The following RGS7 variants were observed in gnomAD, a reference collection of about 807,000 sequenced individuals.
The protein encoded by RGS7 is regulator of G-protein signaling 7.
In RGS7, 27 loss-of-function variants were observed where a neutral mutation model predicts 81.1. The ratio of observed to expected loss-of-function variants is 0.33; its 90% CI spans 0.25 to 0.46. The LOEUF (loss-of-function observed/expected upper bound fraction) is 0.46. Ranked by LOEUF, RGS7 falls within the 20% of genes least tolerant of loss-of-function variation. The pLI, the probability that RGS7 is intolerant of heterozygous loss-of-function variation, is 1.00. For synonymous variants in RGS7, 208 were observed against 207.7 expected (o/e 1.00, Z -0.01); for missense variants, 396 against 607.4 (o/e 0.65, Z 3.66).
intron 3 of RGS7, among the ~76,000 whole-genome samples, chr1:240,986,571 A>AT (rs1172119682): frequency 0.045 from 195 of 4,348 alleles, 92 homozygotes; most frequent in African/African-American, 0.17. Context: ...CACCACTATT[A>AT]TTTTTTTTTT....
rs554883953 is a variant in RGS7 at position 241,141,498 on chromosome 1, A to T, written c.79-42736T>A. On this transcript the variant is annotated intron_variant, in intron 2 of 18. Transcript: ENST00000440928. ...GATTCATGGTTCTGCATTGCTTGGG[A>T]GGCCTCAGGAAACTTACAGTCATGG... 2.6e-5 allele frequency among the ~76,000 whole-genome samples: 4 copies of T among 152,330 alleles called. No individual in the cohort carries two copies. The South Asian group carries it at 8.3e-4, about 32-fold the overall frequency.
At chr1:240,913,990 C>T (rs551861584) in intron 6 of RGS7, among the ~76,000 whole-genome samples, 46 of 151,468 alleles carry the variant, frequency 3.0e-4, no homozygotes, top group Non-Finnish European at 5.7e-4. Context: ...TATACATGTG[C>T]CATGCTGGTG....
intron 2 of RGS7, among the ~76,000 whole-genome samples, chr1:241,259,984 G>A (rs951166383): frequency 2.6e-5 from 4 of 151,970 alleles, no homozygotes; most frequent in African/African-American, 7.3e-5. Flanking sequence ...TTGTTGAATC[G>A]TCAAGACCAG....
At chr1:241,047,732 CCTTTTT>C (rs2061009619) in intron 3 of RGS7, among the ~76,000 whole-genome samples, 1 of 137,716 alleles carries the variant, frequency 7.3e-6, no homozygotes, top group South Asian at 2.3e-4. Flanking sequence ...TGTTTACAAT[CCTTTTT>C]TTTTTTTTTT....
At chr1:240,930,222 CTTT>C (rs10676730) in intron 6 of RGS7, among the ~76,000 whole-genome samples, 9 of 113,874 alleles carry the variant, frequency 7.9e-5, no homozygotes, top group African/African-American at 2.8e-4. Context: ...TCTTTTTTAG[CTTT>C]TTTTTTTTTT....
At chr1:241,055,862 A>G (rs1445887332) in intron 3 of RGS7, among the ~76,000 whole-genome samples, 2 of 152,210 alleles carry the variant, frequency 1.3e-5, no homozygotes, top group Non-Finnish European at 2.9e-5. Flanking sequence ...TCCTTTGCAT[A>G]CAAAAAGACA....
At chr1:240,801,396 A>G (rs1185913795) in intron 17 of RGS7, 59 bp downstream of exon 17, 4 of 1,172,686 alleles carry the variant, frequency 3.4e-6, no homozygotes, top group Non-Finnish European at 5.0e-6. Context: ...AGAAATAGGG[A>G]AATTGGAAAA....
rs891207108 is a variant in RGS7, at chr1:241,148,144, G to A, written c.79-49382C>T. 9.0e-5 allele frequency among the ~76,000 whole-genome samples: 13 copies of A among 144,402 alleles called. No individual in the cohort carries two copies. The East Asian group carries it at 1.0e-3, about 12-fold the overall frequency. The allele number at this position is 144,402 out of a possible 152,430, so 94.7% of individuals were successfully genotyped here. ...TGGCTCATTGCAGTATCTGCCTCCC[G>A]GATACAAGTCATTCTCCTGCCTCAG... is the stretch of plus-strand genomic sequence containing the variant. On this transcript the variant is annotated intron_variant, in intron 2 of 18. Transcript: ENST00000440928.
chr1:241,112,521 G>T (rs563980291), intron 2 of RGS7, among the ~76,000 whole-genome samples: 1 of 152,342 alleles, frequency 6.6e-6, no homozygotes, highest in East Asian at 1.9e-4. Context: ...TGCCAATGAA[G>T]AAGATTTATT....
intron 5 of RGS7, among the ~76,000 whole-genome samples, chr1:240,935,574 G>T (rs898207487): frequency 3.3e-5 from 5 of 152,170 alleles, no homozygotes; most frequent in African/African-American, 1.2e-4. Context: ...ACGATTATTT[G>T]CCTTGGAAGA....
chr1:240,928,604 AT>A (rs769378768), intron 6 of RGS7, among the ~76,000 whole-genome samples: 4,695 of 134,912 alleles, frequency 0.035, 241 homozygotes, highest in African/African-American at 0.12. Flanking sequence ...TTTCTTTATA[AT>A]TTTTTTTTTT....
At chr1:240,933,233 G>T (rs571489677) in intron 5 of RGS7, among the ~76,000 whole-genome samples, 6 of 151,310 alleles carry the variant, frequency 4.0e-5, no homozygotes, top group African/African-American at 1.5e-4. Context: ...CCTCTGGGTA[G>T]TTTCTATATT....
At chr1:241,155,256 A>C (rs2069037008) in intron 2 of RGS7, among the ~76,000 whole-genome samples, 1 of 152,088 alleles carries the variant, frequency 6.6e-6, no homozygotes, top group South Asian at 2.1e-4. Flanking sequence ...GCATACCCCG[A>C]GGCCCAGCTA....
intron 6 of RGS7, among the ~76,000 whole-genome samples, chr1:240,927,444 T>C (rs528619730): frequency 3.1e-4 from 47 of 152,328 alleles, no homozygotes; most frequent in African/African-American, 1.1e-3. Flanking sequence ...GCCTAAGTAG[T>C]TACTGTGCTT....
At chr1:241,077,549 T>A (rs2062870502) in intron 3 of RGS7, among the ~76,000 whole-genome samples, 1 of 152,164 alleles carries the variant, frequency 6.6e-6, no homozygotes, top group East Asian at 1.9e-4. Flanking sequence ...AAAGGGATCG[T>A]GGTCCAGTGT....
chr1:241,095,516 A>G (rs1261184466), intron 3 of RGS7, among the ~76,000 whole-genome samples: 6 of 152,088 alleles, frequency 3.9e-5, no homozygotes, highest in Non-Finnish European at 8.8e-5. Flanking sequence ...TCAACCAGGC[A>G]TGGTGGCAGG....
At chr1:241,257,618 C>G (rs1462748523) in intron 2 of RGS7, among the ~76,000 whole-genome samples, 1 of 152,064 alleles carries the variant, frequency 6.6e-6, no homozygotes, top group Non-Finnish European at 1.5e-5. Flanking sequence ...AAATTCTGTC[C>G]AAAGTGTGAG....
chr1:241,061,996 T>A (rs564291290), intron 3 of RGS7, among the ~76,000 whole-genome samples: 2 of 152,238 alleles, frequency 1.3e-5, no homozygotes, highest in Non-Finnish European at 2.9e-5. Flanking sequence ...AATTTGCTCA[T>A]GGTTTCTATT....
At chr1:240,989,275 TA>T (rs879360828) in intron 3 of RGS7, among the ~76,000 whole-genome samples, 1,765 of 137,784 alleles carry the variant, frequency 0.013, 20 homozygotes, top group African/African-American at 0.033. Context: ...CTGTCTCTAC[TA>T]AAAAAAAAAA....
Sources: allele counts gnomAD v4.1 joint callset (sites outside exome capture counted in the v4.1 genomes callset), GRCh38; gene constraint gnomAD v4.1.1; transcripts MANE v1.5; gene names NCBI Gene and HGNC (gene_info 2026-07-23, HGNC 2026-07-21).